The following CNIH3 variants were observed in gnomAD, a reference collection of about 807,000 sequenced individuals.
CNIH3 encodes protein cornichon homolog 3.
A neutral mutation model predicts 24.1 loss-of-function variants in CNIH3; 14 were observed. The ratio of observed to expected loss-of-function variants is 0.58; its 90% CI spans 0.38 to 0.91. CNIH3 has a LOEUF of 0.91. CNIH3 is among the 40% of genes least tolerant of loss of function. The pLI, the probability that CNIH3 is intolerant of heterozygous loss-of-function variation, is 0.00. For missense variants in CNIH3, 178 were observed against 196.8 expected (o/e 0.90, Z 0.57); for synonymous variants, 68 against 73.8 (o/e 0.92, Z 0.40).
chr1:224,471,482 A>G (rs527627744), intron 1 of CNIH3, among the ~76,000 whole-genome samples: 1 of 152,240 alleles, frequency 6.6e-6, no homozygotes, highest in South Asian at 2.1e-4. Flanking sequence ...TTTAGCTCCT[A>G]CAAATAAGTA....
chr1:224,607,222 G>T (rs993708090), intron 3 of CNIH3, among the ~76,000 whole-genome samples: 2 of 152,086 alleles, frequency 1.3e-5, no homozygotes, highest in African/African-American at 4.8e-5. Context: ...GTAAATAAAA[G>T]AAAATGGTGG....
rs146295795 is a variant in CNIH3, at chr1:224,505,666, C to A, written n.204-10075C>A. 7.2e-5 allele frequency among the ~76,000 whole-genome samples: 11 copies of A among 152,312 alleles called. No individual in the cohort carries two copies. In the East Asian group the frequency reaches 2.1e-3, roughly 29 times the overall value. On this transcript the variant is annotated intron_variant and non_coding_transcript_variant, in intron 1 of 5. Coordinates refer to the CNIH3 transcript ENST00000471578. ...GACTAGGATTACGTAGCTGCCAGAG[C>A]TGGAATTCAGACTCAGGTCTGTTTG... is the stretch of plus-strand genomic sequence containing the variant.
chr1:224,487,656 G>A (rs1677079306), intron 1 of CNIH3, among the ~76,000 whole-genome samples: 1 of 152,206 alleles, frequency 6.6e-6, no homozygotes, highest in Non-Finnish European at 1.5e-5. Context: ...TTGTATAGAA[G>A]AAGCTTCCCT....
intron 1 of CNIH3, among the ~76,000 whole-genome samples, chr1:224,470,067 G>A (rs1296631872): frequency 2.0e-5 from 3 of 151,036 alleles, no homozygotes; most frequent in Non-Finnish European, 1.5e-5. Context: ...TGCCCAGGCT[G>A]GAGTTCAGTG....
chr1:224,441,117 G>T (rs2102945105), intron 1 of CNIH3, among the ~76,000 whole-genome samples: 1 of 152,224 alleles, frequency 6.6e-6, no homozygotes, highest in East Asian at 1.9e-4. Context: ...TGCCCGGCCA[G>T]TATGAAGTAT....
intron 4 of CNIH3, among the ~76,000 whole-genome samples, chr1:224,568,202 A>C (rs1474887762): frequency 1.3e-5 from 2 of 152,106 alleles, no homozygotes; most frequent in African/African-American, 2.4e-5. Flanking sequence ...AGGGAGGAGA[A>C]TTGCTTGAAC....
At chr1:224,596,746 T>C (rs889149805) in intron 3 of CNIH3, among the ~76,000 whole-genome samples, 4 of 152,222 alleles carry the variant, frequency 2.6e-5, no homozygotes, top group African/African-American at 9.6e-5. Context: ...TTAAAGTATT[T>C]GGGCTTTTGT....
chr1:224,535,594 A>G (rs1437023010), intron 2 of CNIH3, among the ~76,000 whole-genome samples: 3 of 152,208 alleles, frequency 2.0e-5, no homozygotes. Flanking sequence ...CTGATGGCAT[A>G]ACAGGGGTGT....
downstream of CNIH3, among the ~76,000 whole-genome samples, chr1:224,591,715 C>T (rs558397703): frequency 3.2e-4 from 48 of 152,312 alleles, 1 homozygote; most frequent in African/African-American, 1.2e-3. Context: ...ATCCCTAGGC[C>T]TCCACCTCTG....
intron 1 of CNIH3, among the ~76,000 whole-genome samples, chr1:224,505,219 A>G (rs1310386247): frequency 4.6e-5 from 7 of 151,090 alleles, no homozygotes; most frequent in Non-Finnish European, 1.5e-5. Flanking sequence ...GGATTGTTTG[A>G]GCCCGGGAAG....
intron 1 of CNIH3, among the ~76,000 whole-genome samples, chr1:224,669,812 C>T (rs749894740): frequency 2.0e-5 from 3 of 152,090 alleles, no homozygotes; most frequent in Non-Finnish European, 2.9e-5. Flanking sequence ...TTGAGGACAC[C>T]GAGGCTTGGA....
chr1:224,477,588 T>C (rs192653516), intron 1 of CNIH3, among the ~76,000 whole-genome samples: 4 of 152,342 alleles, frequency 2.6e-5, no homozygotes, highest in South Asian at 2.1e-4. Context: ...TTTTAACTTA[T>C]TGTTGTTTAT....
At chr1:224,495,013 C>T (rs997958697) in intron 1 of CNIH3, among the ~76,000 whole-genome samples, 15 of 152,226 alleles carry the variant, frequency 9.9e-5, no homozygotes, top group Non-Finnish European at 1.5e-4. Flanking sequence ...GACAAATACA[C>T]ACACATGTAC....
At chr1:224,564,605 A>C (rs1181736079) in intron 3 of CNIH3, among the ~76,000 whole-genome samples, 6 of 152,252 alleles carry the variant, frequency 3.9e-5, no homozygotes, top group Non-Finnish European at 8.8e-5. Context: ...TGTGACCAGA[A>C]GGGCTGACGA....
At chr1:224,619,853 A>T (rs1473956386) in intron 1 of CNIH3, among the ~76,000 whole-genome samples, 1 of 152,226 alleles carries the variant, frequency 6.6e-6, no homozygotes, top group Non-Finnish European at 1.5e-5. Context: ...CCTAGGCTGT[A>T]AGATATGAAG....
rs75658200 is a variant in CNIH3 at position 224,579,807 on chromosome 1, A to G, written n.517-3357A>G. Among the ~76,000 whole-genome samples the G allele has an allele frequency of 2.6e-4, 40 of 152,284 alleles. 2 individuals carry two copies. The East Asian group carries it at 6.2e-3, about 23-fold the overall frequency. ...TGGCCACATGAGCTTTGCACAGACCAGCTCCTGTTTGCCATTTGCCATGAT... is the reference window on the plus strand; with the variant it reads ...TGGCCACATGAGCTTTGCACAGACCGGCTCCTGTTTGCCATTTGCCATGAT... On this transcript the variant is annotated intron_variant and non_coding_transcript_variant, in intron 4 of 5. Transcript: ENST00000471578.
At chr1:224,642,157 T>G (rs1271538337) in intron 1 of CNIH3, among the ~76,000 whole-genome samples, 1 of 152,212 alleles carries the variant, frequency 6.6e-6, no homozygotes, top group East Asian at 1.9e-4. Context: ...TGATATTGAT[T>G]GAATATTTGC....
intron 3 of CNIH3, among the ~76,000 whole-genome samples, chr1:224,696,772 T>TG (rs1687199120): frequency 8.7e-5 from 13 of 149,882 alleles, no homozygotes; most frequent in African/African-American, 3.2e-4. Context: ...GGGGATAAAT[T>TG]TGTGTGTGTG....
chr1:224,478,175 T>C lies in CNIH3; in HGVS notation n.204-37566T>C, dbSNP rs926262694. 2.6e-5 allele frequency among the ~76,000 whole-genome samples: 4 copies of C among 152,232 alleles called. No individual in the cohort carries two copies. In the East Asian group the frequency reaches 5.8e-4, roughly 22 times the overall value. ...TAAATATGCTTGGTTTTCTACAACCTTTTTGTACTTGAATATTGTTATCTT... is the reference window on the plus strand; with the variant it reads ...TAAATATGCTTGGTTTTCTACAACCCTTTTGTACTTGAATATTGTTATCTT... On this transcript the variant is annotated intron_variant and non_coding_transcript_variant, in intron 1 of 5. Transcript: ENST00000471578.
Sources: allele counts gnomAD v4.1 joint callset (sites outside exome capture counted in the v4.1 genomes callset), GRCh38; gene constraint gnomAD v4.1.1; transcripts MANE v1.5; gene names NCBI Gene and HGNC (gene_info 2026-07-23, HGNC 2026-07-21).